The following NDST4 variants were observed in gnomAD, a reference collection of about 807,000 sequenced individuals.
NDST4 encodes the protein N-deacetylase and N-sulfotransferase 4.
In NDST4, 63 loss-of-function variants were observed where a neutral mutation model predicts 100.8. The observed-to-expected ratio is 0.62, with a 90% confidence interval of 0.51 to 0.77. The LOEUF is 0.77. Among genes scored for constraint, NDST4 ranks in the 30% least tolerant of loss-of-function variants. The pLI, the probability that NDST4 is intolerant of heterozygous loss-of-function variation, is 0.00. For missense variants in NDST4, 943 were observed against 1,018.4 expected, an observed-to-expected ratio of 0.93 and a Z score of 1.01; for synonymous variants, 377 against 361.8, an observed-to-expected ratio of 1.04 and a Z score of -0.48.
At chr4:115,041,485 T>C (rs1214257156) in intron 2 of NDST4, among the ~76,000 whole-genome samples, 2 of 152,094 alleles carry the variant, frequency 1.3e-5, no homozygotes, top group South Asian at 2.1e-4. Flanking sequence ...ATATTAAATA[T>C]GGATATGATG....
At chr4:114,842,960 T>C (rs192990938) in intron 10 of NDST4, among the ~76,000 whole-genome samples, 1 of 146,624 alleles carries the variant, frequency 6.8e-6, no homozygotes. Context: ...GTCTTAGATA[T>C]ATCAAAATGT....
intron 7 of NDST4, among the ~76,000 whole-genome samples, chr4:114,853,984 C>T (rs1426123154): frequency 6.6e-6 from 1 of 150,798 alleles, no homozygotes; most frequent in African/African-American, 2.5e-5. Context: ...TAATTTTATG[C>T]TTTTGTTATT....
At position 114,833,605 on chromosome 4, in the gene NDST4, C is replaced by T. The variant is rs1258314939; in HGVS notation, c.2396+1G>A. On this transcript the variant is annotated splice_donor_variant, in intron 12 of 13. Coordinates refer to ENST00000264363, the MANE Select transcript of NDST4 (RefSeq NM_022569.3). LOFTEE classifies it high-confidence loss of function. ...GAAATCAAGCATGACAATAGACTCA[C>T]GTTAGTGCTTCAGAGTAATTATAAC... 8 of 1,583,732 alleles carry T rather than the reference C, an allele frequency of 5.1e-6. No homozygotes were observed. Among genetic ancestry groups the T allele is most frequent in the Non-Finnish European group, 6.9e-6 (8 of 1,153,142 alleles).
At chr4:114,960,501 G>A (rs1726237471) in intron 4 of NDST4, among the ~76,000 whole-genome samples, 1 of 151,974 alleles carries the variant, frequency 6.6e-6, no homozygotes, top group African/African-American at 2.4e-5. Context: ...AGCTACTCAG[G>A]AGGCTGAGGC....
rs576829407 is a variant in NDST4, at chr4:115,106,386, T to A, written c.-247+7058A>T. 1.7e-4 allele frequency among the ~76,000 whole-genome samples: 26 copies of A among 152,200 alleles called. No individual in the cohort carries two copies. The South Asian group carries it at 2.9e-3, about 17-fold the overall frequency. Reference sequence around the variant, plus strand: ...TAATTTTATAATTGGAGAAATTTTTTAAAAAAGAAACAGTCATCTCTTGTC... The same window carrying A: ...TAATTTTATAATTGGAGAAATTTTTAAAAAAAGAAACAGTCATCTCTTGTC... On this transcript the variant is annotated intron_variant, in intron 1 of 13. Transcript: ENST00000264363.
chr4:114,846,497 A>T (rs559297217), intron 9 of NDST4, among the ~76,000 whole-genome samples: 1 of 152,282 alleles, frequency 6.6e-6, no homozygotes, highest in South Asian at 2.1e-4. Flanking sequence ...TTCCTTCTTA[A>T]TTTCTTCGTA....
chr4:115,049,905 T>G (rs896677188), intron 2 of NDST4, among the ~76,000 whole-genome samples: 1 of 152,176 alleles, frequency 6.6e-6, no homozygotes, highest in Non-Finnish European at 1.5e-5. Context: ...GAAGGCCTTA[T>G]AGCCCATTAA....
At chr4:115,086,144 G>A (rs748226641) in intron 1 of NDST4, among the ~76,000 whole-genome samples, 7 of 152,110 alleles carry the variant, frequency 4.6e-5, no homozygotes, top group Non-Finnish European at 8.8e-5. Flanking sequence ...ATGATTCTGA[G>A]TGGTTTTGGA....
At chr4:115,113,236 G>A (rs1729990350) in intron 1 of NDST4, among the ~76,000 whole-genome samples, 2 of 151,466 alleles carry the variant, frequency 1.3e-5, no homozygotes, top group South Asian at 2.1e-4. Flanking sequence ...TTCTACTTAC[G>A]TGCAAATATA....
intron 2 of NDST4, among the ~76,000 whole-genome samples, chr4:115,059,811 A>C (rs1392574592): frequency 6.6e-6 from 1 of 152,026 alleles, no homozygotes; most frequent in South Asian, 2.1e-4. Context: ...AAGAAATTCC[A>C]CACAGACACA....
intron 6 of NDST4, among the ~76,000 whole-genome samples, chr4:114,895,007 T>C (rs554045724): frequency 8.5e-5 from 13 of 152,280 alleles, no homozygotes; most frequent in East Asian, 3.9e-4. Context: ...GGGAAATTTA[T>C]AGCACTAAAT....
chr4:115,025,113 G>C (rs966352535), intron 2 of NDST4, among the ~76,000 whole-genome samples: 1 of 92,186 alleles, frequency 1.1e-5, no homozygotes, highest in African/African-American at 3.7e-5. Flanking sequence ...ACCGAGTCTT[G>C]TTATTCTGTA....
chr4:115,001,172 C>T (rs932617092), intron 2 of NDST4, among the ~76,000 whole-genome samples: 5 of 152,046 alleles, frequency 3.3e-5, no homozygotes. Context: ...TTTTGCTTTT[C>T]TTGCTAATCA....
intron 6 of NDST4, among the ~76,000 whole-genome samples, chr4:114,883,252 G>C (rs1724409478): frequency 6.6e-6 from 1 of 151,888 alleles, no homozygotes; most frequent in Non-Finnish European, 1.5e-5. Context: ...TAATGCATTG[G>C]GTGAGTATAG....
At chr4:114,967,535 T>C (rs1726410322) in intron 4 of NDST4, among the ~76,000 whole-genome samples, 1 of 152,072 alleles carries the variant, frequency 6.6e-6, no homozygotes, top group Admixed American at 6.5e-5. Context: ...ATATAACCTA[T>C]ATCCCTAAAA....
At chr4:114,978,342 T>C (rs1726683842) in intron 2 of NDST4, among the ~76,000 whole-genome samples, 1 of 151,964 alleles carries the variant, frequency 6.6e-6, no homozygotes, top group African/African-American at 2.4e-5. Flanking sequence ...AACTGTTTAT[T>C]CCTTTACAAT....
chr4:114,866,705 A>G (rs1357885763), intron 7 of NDST4, among the ~76,000 whole-genome samples: 1 of 152,180 alleles, frequency 6.6e-6, no homozygotes, highest in African/African-American at 2.4e-5. Flanking sequence ...CTGTGTGGTA[A>G]GTGCAGTAAT....
At chr4:115,102,466 TA>T (rs1339081454) in intron 1 of NDST4, among the ~76,000 whole-genome samples, 1 of 152,116 alleles carries the variant, frequency 6.6e-6, no homozygotes, top group Non-Finnish European at 1.5e-5. Flanking sequence ...AATTTTCCAT[TA>T]TTTTTTAATG....
intron 4 of NDST4, among the ~76,000 whole-genome samples, chr4:114,939,326 C>T (rs1475605828): frequency 1.3e-5 from 2 of 152,106 alleles, no homozygotes; most frequent in Non-Finnish European, 2.9e-5. Context: ...TAGAGAGGTG[C>T]TCCTGATGTA....
Sources: gnomAD v4.1 joint callset for allele counts (sites outside exome capture counted in the v4.1 genomes callset) on GRCh38, gnomAD v4.1.1 for gene constraint, MANE v1.5 for transcripts, NCBI Gene and HGNC (gene_info 2026-07-23, HGNC 2026-07-21) for gene names.